CCDC171: variants seen among roughly 807,000 people sequenced by gnomAD.
CCDC171 encodes the protein coiled-coil domain containing 171, also known as coiled-coil domain-containing protein 171.
In CCDC171, 177 loss-of-function variants were observed where a neutral mutation model predicts 168.2. The observed-to-expected ratio is 1.05, with a 90% CI of 0.93 to 1.19. The LOEUF (loss-of-function observed/expected upper bound fraction) is 1.19, where lower values mean the gene tolerates loss of function less well. Among genes scored for constraint, CCDC171 ranks in the 50% most tolerant of loss-of-function variants. The pLI is 0.00. For synonymous variants in CCDC171, 687 were observed against 540.8 expected (o/e 1.27, Z -3.75); for missense variants, 1,991 against 1,539.0 (o/e 1.29, Z -4.91).
chr9:15,835,613 G>T (rs2060409939), intron 21 of CCDC171, among the ~76,000 whole-genome samples: 1 of 152,086 alleles, frequency 6.6e-6, no homozygotes, highest in East Asian at 1.9e-4. Context: ...TTTTAGTAGA[G>T]ACAGGGTTTC....
chr9:15,632,299 A>T (rs1233651370), intron 7 of CCDC171, among the ~76,000 whole-genome samples: 2 of 151,780 alleles, frequency 1.3e-5, no homozygotes, highest in African/African-American at 4.8e-5. Flanking sequence ...AATCTCCTTA[A>T]ACTGATAAGC....
downstream of CCDC171, among the ~76,000 whole-genome samples, chr9:16,064,237 T>G (rs1415847472): frequency 6.6e-6 from 1 of 152,112 alleles, no homozygotes; most frequent in Non-Finnish European, 1.5e-5. Flanking sequence ...AAATCCCCAG[T>G]GAGGCCGTTT....
intron 24 of CCDC171, among the ~76,000 whole-genome samples, chr9:15,877,491 AAAT>A (rs1818008539): frequency 1.3e-5 from 2 of 152,032 alleles, no homozygotes; most frequent in East Asian, 3.8e-4. Context: ...CAAAAACTTT[AAAT>A]AATTTTGATC....
intron 1 of CCDC171, among the ~76,000 whole-genome samples, chr9:15,556,917 G>A (rs1362368066): frequency 6.6e-6 from 1 of 152,080 alleles, no homozygotes; most frequent in Non-Finnish European, 1.5e-5. Context: ...TAATTTTTGT[G>A]TAAGGTATAA....
intron 21 of CCDC171, among the ~76,000 whole-genome samples, chr9:15,794,118 A>G (rs1418930350): frequency 6.6e-6 from 1 of 151,974 alleles, no homozygotes; most frequent in African/African-American, 2.4e-5. Flanking sequence ...ATAGGTTTTT[A>G]TTTGATAATC....
intron 6 of CCDC171, among the ~76,000 whole-genome samples, chr9:16,030,825 G>T (rs1405467306): frequency 6.6e-6 from 1 of 152,190 alleles, no homozygotes. Flanking sequence ...GCTTCCCAAG[G>T]TGCCAACTCC....
At chr9:15,947,175 T>C (rs1828506853) in intron 25 of CCDC171, among the ~76,000 whole-genome samples, 1 of 151,998 alleles carries the variant, frequency 6.6e-6, no homozygotes, top group Admixed American at 6.6e-5. Flanking sequence ...CCTTTCTACA[T>C]ATATTTATTA....
intron 21 of CCDC171, among the ~76,000 whole-genome samples, chr9:15,795,585 T>C (rs1425016821): frequency 1.3e-5 from 2 of 152,184 alleles, no homozygotes; most frequent in Non-Finnish European, 2.9e-5. Flanking sequence ...AATTAGCTCA[T>C]TGGGGTGTGC....
intron 7 of CCDC171, among the ~76,000 whole-genome samples, chr9:15,640,530 G>T (rs2046527692): frequency 6.6e-6 from 1 of 152,020 alleles, no homozygotes; most frequent in Non-Finnish European, 1.5e-5. Flanking sequence ...TTTGAAAACT[G>T]TAGCATATTA....
At chr9:15,714,754 G>A (rs750450594) in intron 11 of CCDC171, among the ~76,000 whole-genome samples, 2 of 152,194 alleles carry the variant, frequency 1.3e-5, no homozygotes, top group East Asian at 1.9e-4. Context: ...AGTCTGAGAA[G>A]TATTTGAGGA....
chr9:16,046,010 C>G (rs1017439136), intron 1 of CCDC171, among the ~76,000 whole-genome samples: 1 of 152,176 alleles, frequency 6.6e-6, no homozygotes, highest in Non-Finnish European at 1.5e-5. Context: ...ATTAATTCCT[C>G]AAATCAGCCC....
intron 10 of CCDC171, among the ~76,000 whole-genome samples, chr9:15,679,140 C>A (rs2049858817): frequency 6.6e-6 from 1 of 151,712 alleles, no homozygotes; most frequent in Non-Finnish European, 1.5e-5. Flanking sequence ...ATAGAATTTT[C>A]AAAAATGTAT....
the CCDC171 span, among the ~76,000 whole-genome samples, chr9:16,093,159 C>T: frequency 4.5e-4 from 68 of 152,366 alleles, 1 homozygote; most frequent in African/African-American, 1.5e-3. Flanking sequence ...AATAAGGGAC[C>T]TGCAAAGGTA....
intron 24 of CCDC171, among the ~76,000 whole-genome samples, chr9:15,908,437 T>C (rs1823069352): frequency 6.9e-6 from 1 of 143,910 alleles, no homozygotes; most frequent in Non-Finnish European, 1.5e-5. Context: ...TTCTCACTCA[T>C]AGGTGGGAAT....
At chr9:15,994,555 G>C (rs192220921) in intron 3 of CCDC171, among the ~76,000 whole-genome samples, 1 of 152,228 alleles carries the variant, frequency 6.6e-6, no homozygotes, top group East Asian at 1.9e-4. Flanking sequence ...TGCACATTGT[G>C]CACATGTACC....
At position 16,048,436 on chromosome 9, in the gene CCDC171, G is replaced by A. The variant is rs1248654136; in HGVS notation, n.89+5550G>A. On this transcript the variant is annotated intron_variant and non_coding_transcript_variant, in intron 1 of 1. Transcript: ENST00000478913. The stretch of plus-strand genomic sequence containing the variant: ...GAGCTGGAGGCACCAGGTGAAGTGG[G>A]GCCAGCCAATGCCACATTACAAATT... 2.0e-5 allele frequency among the ~76,000 whole-genome samples: 3 copies of A among 152,146 alleles called. No individual in the cohort carries two copies. In the East Asian group the frequency reaches 5.8e-4, roughly 29 times the overall value.
In CCDC171 at chr9:15,972,669, C is replaced by G. The variant is rs772878784; in HGVS notation, c.*833C>G. ...AACTTCAAGGTAATGGCTGTTTTGACCTTCAAAATAGACTCCTTTTTTGTT... is the reference window on the plus strand; with the variant it reads ...AACTTCAAGGTAATGGCTGTTTTGAGCTTCAAAATAGACTCCTTTTTTGTT... On this transcript the variant is annotated 3_prime_UTR_variant, in exon 26 of 26. Coordinates refer to ENST00000380701, the MANE Select transcript of CCDC171 (RefSeq NM_173550.4). 1.3e-5 allele frequency: 2 copies of G among 152,092 alleles called. No homozygotes were observed. Among genetic ancestry groups the G allele is most frequent in the African/African-American group, 2.4e-5 (1 of 41,416 alleles). The allele number at this position is 152,092 out of a possible 1,614,324, so 9.4% of individuals were successfully genotyped here.
intron 6 of CCDC171, among the ~76,000 whole-genome samples, chr9:15,600,669 A>C (rs1235114239): frequency 6.6e-6 from 1 of 152,204 alleles, no homozygotes; most frequent in Non-Finnish European, 1.5e-5. Context: ...AAGCTGTCAG[A>C]CAGGGACATT....
At chr9:15,928,568 C>G (rs190746559) in intron 25 of CCDC171, among the ~76,000 whole-genome samples, 43 of 151,818 alleles carry the variant, frequency 2.8e-4, no homozygotes, top group Admixed American at 2.8e-3. Context: ...ATTTTCCTTA[C>G]CCAAATTTCA....
Sources: allele counts gnomAD v4.1 joint callset (sites outside exome capture counted in the v4.1 genomes callset), GRCh38; gene constraint gnomAD v4.1.1; transcripts MANE v1.5; gene names NCBI Gene and HGNC (gene_info 2026-07-23, HGNC 2026-07-21).